The following TCF25 variants were observed in gnomAD, a reference collection of about 807,000 sequenced individuals.
TCF25 encodes the protein ribosome quality control complex subunit TCF25.
A neutral mutation model predicts 83.1 loss-of-function variants in TCF25; 41 were observed. That is an observed-to-expected ratio of 0.49 (90% CI 0.38 to 0.64). The LOEUF (loss-of-function observed/expected upper bound fraction) is 0.64, where lower values mean the gene tolerates loss of function less well. Ranked by LOEUF, TCF25 falls within the 30% of genes least tolerant of loss-of-function variation. The probability of loss-of-function intolerance (pLI) is 0.00; values close to 1 mark genes in which losing one functional copy is unlikely to be tolerated. For missense variants in TCF25, 979 were observed against 914.5 expected, an observed-to-expected ratio of 1.07 and a Z score of -0.91; for synonymous variants, 458 against 365.0, an observed-to-expected ratio of 1.25 and a Z score of -2.90.
At chr16:89,896,791 C>A (rs903911498) in intron 9 of TCF25, among the ~76,000 whole-genome samples, 1 of 151,946 alleles carries the variant, frequency 6.6e-6, no homozygotes, top group African/African-American at 2.4e-5. Context: ...CCTGACCTTG[C>A]GATCCACCCG....
rs1009103826 is a variant in TCF25 at position 89,892,393 on chromosome 16, G to C, written c.697+118G>C. The C allele has an allele frequency of 4.4e-6, 5 of 1,135,292 alleles. 1 individual carries two copies. The highest frequency in any genetic ancestry group is 3.0e-5 in the South Asian group (2 of 67,612). 70.3% of individuals were successfully genotyped at this position (1,135,292 alleles called of 1,614,324 possible). On this transcript the variant is annotated intron_variant, in intron 6 of 17. Coordinates refer to ENST00000263346, the MANE Select transcript of TCF25 (RefSeq NM_014972.3). Reference sequence around the variant, plus strand: ...AGGCTGCTGGGGGTGGAGGGCGGCGGGGGGGTGTGTTCTGTGCACTGGCCT... The same window carrying C: ...AGGCTGCTGGGGGTGGAGGGCGGCGCGGGGGTGTGTTCTGTGCACTGGCCT...
At position 89,900,549 on chromosome 16, in the gene TCF25, C is replaced by T. The variant is rs1296121100; in HGVS notation, c.1222-86C>T. The T allele has an allele frequency of 6.2e-6, 9 of 1,447,662 alleles. No individual in the cohort carries two copies. The African/African-American group carries it at 1.1e-4, about 18-fold the overall frequency. 89.7% of individuals were successfully genotyped at this position (1,447,662 alleles called of 1,614,324 possible). A position where few individuals can be genotyped will look rare whatever the true frequency, so the allele number is the denominator to read the frequency against. On this transcript the variant is annotated intron_variant, in intron 11 of 17. Coordinates refer to ENST00000263346, the MANE Select transcript of TCF25 (RefSeq NM_014972.3). ...GAATATACCTGCTCGGGGTAGGGCT[C>T]ACTGGTGATGTCAGAGCGTCTGCAA...
intron 1 of TCF25, among the ~76,000 whole-genome samples, chr16:89,879,849 C>T (rs1194751390): frequency 7.1e-5 from 10 of 141,418 alleles, no homozygotes; most frequent in South Asian, 5.0e-4. Flanking sequence ...AGATGGGCTT[C>T]GGGGCCTGTC....
At chr16:89,887,854 T>C (rs917523474) in intron 5 of TCF25, 137 bp downstream of exon 5, 22 of 744,170 alleles carry the variant, frequency 3.0e-5, no homozygotes, top group African/African-American at 7.5e-5. Flanking sequence ...ACCCTTAGAA[T>C]TGGGGTCTGA....
chr16:89,888,650 C>G (rs2043191519), intron 5 of TCF25, among the ~76,000 whole-genome samples: 1 of 148,730 alleles, frequency 6.7e-6, no homozygotes, highest in Non-Finnish European at 1.5e-5. Flanking sequence ...AGGTCAGGTT[C>G]TGAGATAAGT....
intron 13 of TCF25, chr16:89,904,729 A>G (rs756455578): frequency 1.0e-5 from 7 of 702,800 alleles, no homozygotes; most frequent in South Asian, 4.5e-5. Flanking sequence ...CCTGCTTCCT[A>G]AAGAACATAA....
chr16:89,904,898 C>A, intron 13 of TCF25, 40 bp from the exon 14 acceptor site: 2 of 1,582,362 alleles, frequency 1.3e-6, no homozygotes, highest in South Asian at 1.2e-5. Flanking sequence ...AGGCTGTGGT[C>A]TGAAGAGGGG....
At chr16:89,874,384 A>G (rs950036067) in intron 1 of TCF25, among the ~76,000 whole-genome samples, 4 of 151,966 alleles carry the variant, frequency 2.6e-5, no homozygotes, top group African/African-American at 7.3e-5. Context: ...GGGTGGGGCC[A>G]CGGCGTAGGG....
Position 89,910,582 on chromosome 16 carries a change from T to G in TCF25, c.1800-9T>G. ...GTGTCGTTTCTGACTTTTCTTGACT[T>G]TCTTTCAGGCTAAGTCCTATCAGCC... On this transcript the variant is annotated splice_polypyrimidine_tract_variant and intron_variant, in intron 16 of 17. Transcript: ENST00000263346. The G allele has an allele frequency of 6.2e-7, 1 of 1,613,644 alleles. No individual in the cohort carries two copies. Among genetic ancestry groups the G allele is most frequent in the Non-Finnish European group, 8.5e-7 (1 of 1,179,902 alleles).
chr16:89,910,427 AC>A, intron 16 of TCF25, 163 bp from the exon 17 acceptor site: 2 of 674,688 alleles, frequency 3.0e-6, no homozygotes, highest in East Asian at 5.4e-5. Context: ...CTCACGGGCC[AC>A]CCGGGGAATC....
At chr16:89,896,190 A>T in intron 9 of TCF25, 107 bp downstream of exon 9, 2 of 952,496 alleles carry the variant, frequency 2.1e-6, no homozygotes, top group Non-Finnish European at 3.2e-6. Context: ...AGGGTGGACC[A>T]GGGCCCACAG....
rs750259266 is a variant in TCF25 at position 89,898,572 on chromosome 16, C to G, written c.1038C>G (p.Ala346=). ...TTGGATCTAGGAGCTTCTACCTGGC[C>G]CTCTACAAGCAGATGAGCTTCCTGG... ...RRPENRSFYL[A]LYKQMSFLEK... Residue 346 remains alanine (A), a synonymous_variant, in exon 10 of 18, where the codon GCC becomes GCG. Transcript: ENST00000263346. The G allele has an allele frequency of 6.2e-7, 1 of 1,613,004 alleles. No homozygotes were observed. Among genetic ancestry groups the G allele is most frequent in the Non-Finnish European group, 8.5e-7 (1 of 1,180,026 alleles).
intron 12 of TCF25, 148 bp downstream of exon 12, chr16:89,900,942 C>G (rs1405471731): frequency 4.2e-6 from 4 of 943,460 alleles, no homozygotes; most frequent in African/African-American, 3.3e-5. Context: ...ACCTGCCCTA[C>G]CAAACCTGAA....
At chr16:89,879,158 C>T (rs1013399385) in intron 1 of TCF25, among the ~76,000 whole-genome samples, 8 of 150,222 alleles carry the variant, frequency 5.3e-5, no homozygotes, top group Non-Finnish European at 1.0e-4. Context: ...ACGTGCTGTT[C>T]GTGTACACAG....
rs750738562 is a variant in TCF25, at chr16:89,881,372, C to T, written c.193-1979C>T. Among the ~76,000 whole-genome samples the T allele has an allele frequency of 2.6e-5, 4 of 152,198 alleles. No individual in the cohort carries two copies. The South Asian group carries it at 6.2e-4, about 24-fold the overall frequency. ...ACAGGCAGTTTTATTTATTTTTGAA[C>T]CTTAGTGCATCCGATTGGATCCATC... On this transcript the variant is annotated intron_variant, in intron 1 of 17. Transcript: ENST00000263346.
At position 89,889,237 on chromosome 16, in the gene TCF25, C is replaced by G. The variant is rs1223783986; in HGVS notation, c.614+1520C>G. 7.5e-6 allele frequency: 3 copies of G among 400,254 alleles called. No individual in the cohort carries two copies. In the East Asian group the frequency reaches 2.4e-4, roughly 33 times the overall value. 24.8% of individuals were successfully genotyped at this position (400,254 alleles called of 1,614,324 possible). ...TTTTTTTATTTTTTAGAGACAGGGT[C>G]TTGCTGGGTTGTCCAGTCTGGTTTT... On this transcript the variant is annotated intron_variant, in intron 5 of 17. Transcript: ENST00000263346.
At chr16:89,901,562 G>A (rs1201010227) in intron 12 of TCF25, among the ~76,000 whole-genome samples, 1 of 125,324 alleles carries the variant, frequency 8.0e-6, no homozygotes, top group African/African-American at 2.9e-5. Flanking sequence ...TGACTAACAC[G>A]GTGAAACCAC....
intron 9 of TCF25, 136 bp from the exon 10 acceptor site, chr16:89,898,419 AGT>A (rs2044048816): frequency 2.6e-6 from 2 of 780,018 alleles, no homozygotes; most frequent in East Asian, 2.5e-5. Context: ...GGCGCTGAGC[AGT>A]GTGTGGGGTG....
chr16:89,887,809 T>C (rs2043130646), intron 5 of TCF25, 92 bp downstream of exon 5: 3 of 1,242,098 alleles, frequency 2.4e-6, no homozygotes, highest in Non-Finnish European at 3.3e-6. Flanking sequence ...AGTTTACCCT[T>C]GAGGGAGAGT....
Sources: gnomAD v4.1 joint callset for allele counts (sites outside exome capture counted in the v4.1 genomes callset) on GRCh38, gnomAD v4.1.1 for gene constraint, MANE v1.5 for transcripts, NCBI Gene and HGNC (gene_info 2026-07-23, HGNC 2026-07-21) for gene names.